Variants in DIAPH1 observed in about 807,000 individuals in gnomAD.
The protein encoded by DIAPH1 is protein diaphanous homolog 1.
In DIAPH1, 46 loss-of-function variants were observed where a neutral mutation model predicts 140.7. The ratio of observed to expected loss-of-function variants is 0.33; its 90% CI spans 0.26 to 0.42. The LOEUF (loss-of-function observed/expected upper bound fraction) is 0.42, where lower values mean the gene tolerates loss of function less well. DIAPH1 is among the 10% of genes least tolerant of loss of function. The pLI is 1.00. For missense variants in DIAPH1, 1,310 were observed against 1,558.7 expected (o/e 0.84, Z 2.69); for synonymous variants, 565 against 551.6 (o/e 1.02, Z -0.34).
chr5:141,583,819 G>A (rs1044516402), intron 4 of DIAPH1, among the ~76,000 whole-genome samples: 4 of 152,056 alleles, frequency 2.6e-5, no homozygotes, highest in African/African-American at 9.7e-5. Context: ...CAGATTACAG[G>A]AGTAAGCCAC....
rs762099773 is a variant in DIAPH1, at chr5:141,583,180, A to G, written c.620+26T>C. The G allele has an allele frequency of 1.6e-5, 25 of 1,598,128 alleles. No homozygotes were observed. In the South Asian group the frequency reaches 2.6e-4, roughly 17 times the overall value. On this transcript the variant is annotated intron_variant, in intron 6 of 27. Coordinates refer to ENST00000389054, the MANE Select transcript of DIAPH1 (RefSeq NM_005219.5). ...AGTCCCCTGTGACTCTCCAACTTGA[A>G]GTTGCAAAGACTTGGAAGTCCTCAC... is the stretch of plus-strand genomic sequence containing the variant.
chr5:141,600,653 A>G (rs1174874924), intron 1 of DIAPH1, among the ~76,000 whole-genome samples: 2 of 152,024 alleles, frequency 1.3e-5, no homozygotes, highest in African/African-American at 4.8e-5. Flanking sequence ...CCCCACATAT[A>G]CCTCTTACGA....
chr5:141,573,991 G>A lies in DIAPH1; in HGVS notation c.1859C>T (p.Pro620Leu), dbSNP rs774876990. 1.1e-5 allele frequency: 17 copies of A among 1,550,712 alleles called. No homozygotes were observed. The Admixed American group carries it at 2.2e-4, about 20-fold the overall frequency. ...PPPPPPPPPP[P>L]LPGGVCISSP... ...GGAGATGCAAACACCCCCAGGCAAA[G>A]GAGGTGGAGGAGGAGGAGGAGGAGG... Residue 620 changes from proline (P) to leucine (L), a missense_variant, in exon 16 of 28, where the codon CCT (proline) becomes CTT (leucine). By Grantham distance (98) the Pro-to-Leu change is moderately conservative. Coordinates refer to ENST00000389054, the MANE Select transcript of DIAPH1 (RefSeq NM_005219.5).
intron 4 of DIAPH1, 73 bp from the exon 5 acceptor site, chr5:141,583,688 A>G (rs909359468): frequency 2.5e-6 from 4 of 1,576,296 alleles, no homozygotes; most frequent in Non-Finnish European, 8.7e-7. Context: ...ATTAGTCAAT[A>G]GAGTTTATAC....
intron 1 of DIAPH1, among the ~76,000 whole-genome samples, chr5:141,614,255 A>T (rs1401284160): frequency 6.6e-6 from 1 of 152,182 alleles, no homozygotes; most frequent in African/African-American, 2.4e-5. Flanking sequence ...TCTCTATAAC[A>T]TCTAGTATTT....
At chr5:141,545,854 C>T (rs1016676704) in intron 18 of DIAPH1, among the ~76,000 whole-genome samples, 3 of 152,074 alleles carry the variant, frequency 2.0e-5, no homozygotes, top group Admixed American at 6.6e-5. Context: ...TCCAATAAAA[C>T]CTTATTAACA....
intron 18 of DIAPH1, among the ~76,000 whole-genome samples, chr5:141,536,839 AG>A (rs1394865144): frequency 6.6e-6 from 1 of 152,196 alleles, no homozygotes; most frequent in Non-Finnish European, 1.5e-5. Flanking sequence ...AGGGAAGAGC[AG>A]GAGATGAAGT....
intron 18 of DIAPH1, among the ~76,000 whole-genome samples, chr5:141,545,801 A>G (rs1399263533): frequency 1.3e-5 from 2 of 152,216 alleles, no homozygotes; most frequent in Non-Finnish European, 2.9e-5. Flanking sequence ...CTGCCGGCAT[A>G]ATATGAAAAT....
At chr5:141,602,081 A>C (rs1351250424) in intron 1 of DIAPH1, among the ~76,000 whole-genome samples, 2 of 152,226 alleles carry the variant, frequency 1.3e-5, no homozygotes, top group Non-Finnish European at 2.9e-5. Flanking sequence ...CATGCAGAAC[A>C]GAGAGATAAG....
At chr5:141,600,435 T>C (rs181015220) in intron 1 of DIAPH1, among the ~76,000 whole-genome samples, 2,611 of 152,302 alleles carry the variant, frequency 0.017, 48 homozygotes, top group Non-Finnish European at 0.027. Flanking sequence ...TGTGTTTGTT[T>C]TAAGCTAGTA....
rs1164655392 is a variant in DIAPH1, at chr5:141,552,987, A to G, written c.2482+18441T>C. Among the ~76,000 whole-genome samples the G allele has an allele frequency of 2.0e-5, 3 of 152,168 alleles. No homozygotes were observed. In the South Asian group the frequency reaches 6.2e-4, roughly 32 times the overall value. ...GCCCTAGCAAACGAATACACTTCCT[A>G]TCAAGACTTAAGGGATGTGAGCCAG... On this transcript the variant is annotated intron_variant, in intron 18 of 27. Transcript: ENST00000389054.
chr5:141,574,103 G>A lies in DIAPH1; in HGVS notation c.1747C>T (p.Pro583Ser). The change falls in exon 16 of 28, where the codon CCC becomes TCC. Residue 583 changes from proline to serine, a missense_variant. This residue lies in a region of DIAPH1 where 589 missense variants were observed against 549.3 expected (regional missense o/e 1.07). Transcript: ENST00000389054. ...PPSVPSRAPV[P>S]PAPPLPGDSG... ...TCACCAGGTAAAGGAGGGGCAGGGG[G>A]AACAGGAGCACGACTAGGAACAGAA... 3 of 1,613,938 alleles carry A rather than the reference G, an allele frequency of 1.9e-6. No homozygotes were observed. The highest frequency in any genetic ancestry group is 8.5e-7 in the Non-Finnish European group (1 of 1,179,960).
intron 1 of DIAPH1, 131 bp downstream of exon 1, chr5:141,618,667 G>C (rs1018102274): frequency 4.8e-6 from 3 of 620,322 alleles, no homozygotes; most frequent in African/African-American, 1.9e-5. Flanking sequence ...CAGAGCTGCG[G>C]ACCGAGCGAA....
At chr5:141,517,756 A>G (rs529745485) in intron 27 of DIAPH1, among the ~76,000 whole-genome samples, 2 of 152,310 alleles carry the variant, frequency 1.3e-5, no homozygotes, top group South Asian at 4.1e-4. Context: ...CCCTACCAAG[A>G]AATCTCAGCC....
At position 141,582,271 on chromosome 5, in the gene DIAPH1, C is replaced by T. The variant is rs556887077; in HGVS notation, c.684+41G>A. The T allele has an allele frequency of 5.5e-6, 8 of 1,464,770 alleles. No individual in the cohort carries two copies. The African/African-American group carries it at 6.9e-5, about 13-fold the overall frequency. 90.7% of individuals were successfully genotyped at this position (1,464,770 alleles called of 1,614,324 possible). A position where few individuals can be genotyped will look rare whatever the true frequency, so the allele number is the denominator to read the frequency against. On this transcript the variant is annotated intron_variant, in intron 7 of 27. Coordinates refer to ENST00000389054, the MANE Select transcript of DIAPH1 (RefSeq NM_005219.5). ...TTGCCAATAGAAGAGAAAGAACAGG[C>T]GTCCAGATGGGGTTTGGAATGAGAA...
At chr5:141,581,709 T>C (rs1212631628) in intron 7 of DIAPH1, among the ~76,000 whole-genome samples, 3 of 151,780 alleles carry the variant, frequency 2.0e-5, no homozygotes, top group Admixed American at 1.3e-4. Flanking sequence ...ATAAAGCAAA[T>C]ATTGCAGAGA....
chr5:141,600,872 AGCC>A (rs2099900038), intron 1 of DIAPH1, among the ~76,000 whole-genome samples: 1 of 152,254 alleles, frequency 6.6e-6, no homozygotes, highest in Non-Finnish European at 1.5e-5. Context: ...GACTCACTCA[AGCC>A]AGGTTCTAAA....
intron 18 of DIAPH1, among the ~76,000 whole-genome samples, chr5:141,535,831 G>A (rs182129494): frequency 4.1e-4 from 62 of 152,356 alleles, no homozygotes; most frequent in Admixed American, 7.8e-4. Flanking sequence ...GACAAAGCTA[G>A]CTGCCTCTGA....
rs75860159 is a variant in DIAPH1, at chr5:141,576,284, A to G, written c.1407T>C (p.Ile469=). The part of the protein sequence containing the change: ...IEIEGLIDQM[I]DKTKVEKSEA... ...CAGATTTCTCCACCTTTGTCTTATC[A>G]ATCATTTGATCTGAAAAGAAGAAGA... The change falls in exon 14 of 28, where the codon ATT becomes ATC. Residue 469 remains isoleucine, a synonymous_variant. Transcript: ENST00000389054. 3.9e-4 allele frequency: 637 copies of G among 1,613,828 alleles called. 2 individuals are homozygous for G. In the African/African-American group the frequency reaches 7.2e-3, roughly 18 times the overall value.
Sources: allele counts gnomAD v4.1 joint callset (sites outside exome capture counted in the v4.1 genomes callset), GRCh38; gene constraint gnomAD v4.1.1; regional missense constraint gnomAD v4.1.1; transcripts MANE v1.5; gene names NCBI Gene and HGNC (gene_info 2026-07-23, HGNC 2026-07-21).